The following FOXK1 variants were observed in gnomAD, a reference collection of about 807,000 sequenced individuals.
FOXK1 encodes forkhead box protein K1.
FOXK1 carries 19 observed loss-of-function variants against 51.9 expected under a neutral mutation model. That is an observed-to-expected ratio of 0.37 (90% CI 0.26 to 0.54). The LOEUF (loss-of-function observed/expected upper bound fraction) is 0.54. Ranked by LOEUF, FOXK1 falls within the 20% of genes least tolerant of loss-of-function variation. The pLI, the probability that FOXK1 is intolerant of heterozygous loss-of-function variation, is 0.87. For missense variants in FOXK1, 870 were observed against 1,032.7 expected (o/e 0.84, Z 2.16); for synonymous variants, 537 against 482.6 (o/e 1.11, Z -1.48).
At chr7:4,742,483 C>G (rs1780647915) in intron 2 of FOXK1, among the ~76,000 whole-genome samples, 1 of 152,194 alleles carries the variant, frequency 6.6e-6, no homozygotes, top group Admixed American at 6.5e-5. Context: ...GTGGCGCAAT[C>G]ATAGCTCGCT....
chr7:4,758,486 CT>C lies in FOXK1; in HGVS notation c.1245-564del, dbSNP rs2085167661. 6.6e-6 allele frequency: 1 copy of C among 152,492 alleles called. No homozygotes were observed. Among genetic ancestry groups the C allele is most frequent in the African/African-American group, 2.4e-5 (1 of 41,470 alleles). The allele number at this position is 152,492 out of a possible 1,614,324, so 9.4% of individuals were successfully genotyped here. ...CTCTCGTGCTTCCCATTTCAAAATT[CT>C]GTTTCCAACACGATTTGATGAAAGA... On this transcript the variant is annotated intron_variant, in intron 5 of 8. Transcript: ENST00000328914. This position sits in a 1 kb window ranked among gnomAD's most constrained non-coding sequence, Gnocchi z 4.4.
chr7:4,713,736 C>A (rs186393888), intron 1 of FOXK1, among the ~76,000 whole-genome samples: 56 of 152,102 alleles, frequency 3.7e-4, no homozygotes, highest in Admixed American at 3.1e-3. Flanking sequence ...GTGATCTGCC[C>A]GCCTTGGCCG....
In FOXK1 at chr7:4,747,648, A is replaced by G. The variant is rs1196757666; in HGVS notation, c.746+6625A>G. 1.3e-5 allele frequency among the ~76,000 whole-genome samples: 2 copies of G among 151,632 alleles called. No homozygotes were observed. Among genetic ancestry groups the G allele is most frequent in the African/African-American group, 2.4e-5 (1 of 41,224 alleles). The stretch of plus-strand genomic sequence containing the variant: ...CCTCCCGGGCTCAAGCGATCCTCCC[A>G]CTGCAGCCTCCTGAGTAGCTAGGAC... On this transcript the variant is annotated intron_variant, in intron 2 of 8. Transcript: ENST00000328914. This position sits in a 1 kb window ranked among gnomAD's most constrained non-coding sequence, Gnocchi z 9.2.
At chr7:4,739,752 G>A (rs1780607050) in intron 1 of FOXK1, among the ~76,000 whole-genome samples, 1 of 152,216 alleles carries the variant, frequency 6.6e-6, no homozygotes, top group African/African-American at 2.4e-5. Flanking sequence ...GGGTGGAATT[G>A]CTCCTTCCGT....
chr7:4,754,300 G>T (rs1353634755), intron 2 of FOXK1, among the ~76,000 whole-genome samples, 159 bp from the exon 3 acceptor site: 5 of 152,218 alleles, frequency 3.3e-5, no homozygotes, highest in Non-Finnish European at 7.3e-5. Context: ...TGTCCCCGCC[G>T]CTGCGTGACC....
chr7:4,743,610 G>C lies in FOXK1; in HGVS notation c.746+2587G>C, dbSNP rs547223202. On this transcript the variant is annotated intron_variant, in intron 2 of 8. Transcript: ENST00000328914. The surrounding 1 kb of genome is among the most constrained non-coding windows in gnomAD (Gnocchi z 5.3). ...GGAATTGCATCTGAAGAAAGCAGTT[G>C]AGCGCAGTATATGTACTTAAGTCTT... 1.3e-4 allele frequency among the ~76,000 whole-genome samples: 20 copies of C among 152,336 alleles called. No individual in the cohort carries two copies. The highest frequency in any genetic ancestry group is 4.3e-4 in the African/African-American group (18 of 41,584).
chr7:4,719,653 T>C (rs1032221742), intron 1 of FOXK1, among the ~76,000 whole-genome samples: 8 of 151,984 alleles, frequency 5.3e-5, no homozygotes, highest in African/African-American at 1.4e-4. Context: ...ATCTAATTTT[T>C]GTATTTTTAG....
At chr7:4,754,096 C>T (rs1389702342) in intron 2 of FOXK1, among the ~76,000 whole-genome samples, 2 of 152,198 alleles carry the variant, frequency 1.3e-5, no homozygotes, top group African/African-American at 2.4e-5. Flanking sequence ...GCCAGCAGCC[C>T]GCGGAGGCTA....
At chr7:4,700,123 G>C (rs999592612) in intron 1 of FOXK1, among the ~76,000 whole-genome samples, 9 of 152,206 alleles carry the variant, frequency 5.9e-5, no homozygotes, top group Non-Finnish European at 1.0e-4. Context: ...CCACTGGCTT[G>C]CACTGCAGCA....
chr7:4,723,978 T>C lies in FOXK1; in HGVS notation c.561-16860T>C, dbSNP rs148817470. ...GCACCTCTGTGCTCGGCCCATTCGA[T>C]TTTTAAAACCTTAAATGACCCTGCA... is the stretch of plus-strand genomic sequence containing the variant. On this transcript the variant is annotated intron_variant, in intron 1 of 8. Coordinates refer to ENST00000328914, the MANE Select transcript of FOXK1 (RefSeq NM_001037165.2). This position sits in a 1 kb window ranked among gnomAD's most constrained non-coding sequence, Gnocchi z 4.7. Among the ~76,000 whole-genome samples, 804 of 149,702 alleles carry C rather than the reference T, an allele frequency of 5.4e-3. 8 individuals carry two copies. Among genetic ancestry groups the C allele is most frequent in the Admixed American group, 0.011 (166 of 14,976 alleles).
At chr7:4,724,852 A>T (rs1406511554) in intron 1 of FOXK1, among the ~76,000 whole-genome samples, 1 of 151,572 alleles carries the variant, frequency 6.6e-6, no homozygotes, top group Non-Finnish European at 1.5e-5. Flanking sequence ...CTCTTCTGAG[A>T]CTCCCACGAG....
intron 1 of FOXK1, among the ~76,000 whole-genome samples, chr7:4,720,956 T>A (rs543246370): frequency 6.6e-6 from 1 of 152,154 alleles, no homozygotes; most frequent in Non-Finnish European, 1.5e-5. Flanking sequence ...TTAGTCAGGC[T>A]GGTCTCGAAC....
rs374700671 is a variant in FOXK1 at position 4,759,568 on chromosome 7, G to A, written c.1669G>A (p.Val557Met). ...CTCCCATGATGCGGCGGGCGCAGCC[G>A]TGCTGGACCTGGGCAGCGAGGCCAG... Reference protein sequence around the residue: ...GGSHDAAGAAVLDLGSEARGL... With the variant: ...GGSHDAAGAAMLDLGSEARGL... Residue 557 changes from valine (V) to methionine (M), a missense_variant, in exon 7 of 9, where the codon GTG becomes ATG. Physicochemically the swap from Val to Met is conservative, Grantham distance 21 (BLOSUM62 1). Around this residue, in one of 3 missense-constraint regions of FOXK1, gnomAD observed 457 missense variants for 510.8 expected, o/e 0.89. Coordinates refer to ENST00000328914, the MANE Select transcript of FOXK1 (RefSeq NM_001037165.2). 4.9e-4 allele frequency: 751 copies of A among 1,538,332 alleles called. 2 individuals are homozygous for A. Among genetic ancestry groups the A allele is most frequent in the Non-Finnish European group, 6.3e-4 (722 of 1,147,778 alleles).
rs371940486 is a variant in FOXK1 at position 4,682,885 on chromosome 7, C to A, written c.560+17C>A. On this transcript the variant is annotated intron_variant, in intron 1 of 8. Coordinates refer to ENST00000328914, the MANE Select transcript of FOXK1 (RefSeq NM_001037165.2). This position sits in a 1 kb window ranked among gnomAD's most constrained non-coding sequence, Gnocchi z 7.6. Reference sequence around the variant, plus strand: ...GCCCAAGCAGTGAGTGGCCCCGCGACCCCCGCCGCCCGCACCCGGGGCTCG... The same window carrying A: ...GCCCAAGCAGTGAGTGGCCCCGCGAACCCCGCCGCCCGCACCCGGGGCTCG... 6.0e-4 allele frequency: 858 copies of A among 1,440,558 alleles called. 2 individuals carry two copies. The African/African-American group carries it at 0.012, about 19-fold the overall frequency. The allele number at this position is 1,440,558 out of a possible 1,614,324, so 89.2% of individuals were successfully genotyped here. A position where few individuals can be genotyped will look rare whatever the true frequency, so the allele number is the denominator to read the frequency against.
At chr7:4,741,171 C>A in intron 2 of FOXK1, 148 bp downstream of exon 2, 1 of 553,746 alleles carries the variant, frequency 1.8e-6, no homozygotes, top group Non-Finnish European at 2.9e-6. Context: ...CCATCCGGGA[C>A]CTGGCTGAAA....
chr7:4,741,051 G>GC, intron 2 of FOXK1, 28 bp downstream of exon 2: 1 of 1,453,552 alleles, frequency 6.9e-7, no homozygotes, highest in Non-Finnish European at 9.1e-7. Context: ...CTGCCCTTGG[G>GC]CCCCCAGGAG....
At chr7:4,725,681 C>G (rs934825341) in intron 1 of FOXK1, among the ~76,000 whole-genome samples, 1 of 152,254 alleles carries the variant, frequency 6.6e-6, no homozygotes, top group Admixed American at 6.5e-5. Context: ...CCAAGGCTGC[C>G]GACTGGCCCA....
At position 4,701,176 on chromosome 7, in the gene FOXK1, G is replaced by A. The variant is rs546234217; in HGVS notation, c.560+18308G>A. On this transcript the variant is annotated intron_variant, in intron 1 of 8. Coordinates refer to ENST00000328914, the MANE Select transcript of FOXK1 (RefSeq NM_001037165.2). ...CTCCCTGCGGCTGTGAAGGCTGCAC[G>A]ATCAGAGCTAAACAGCAGGGGTTTG... 8.4e-4 allele frequency among the ~76,000 whole-genome samples: 128 copies of A among 152,338 alleles called. 1 individual carries two copies. Among genetic ancestry groups the A allele is most frequent in the African/African-American group, 3.0e-3 (124 of 41,580 alleles).
At position 4,749,255 on chromosome 7, in the gene FOXK1, A is replaced by G. The variant is rs7801647; in HGVS notation, c.747-5204A>G. Among the ~76,000 whole-genome samples the G allele has an allele frequency of 0.48, 72,370 of 151,974 alleles. 19,227 individuals carry two copies. Among genetic ancestry groups the G allele is most frequent in the African/African-American group, 0.72 (29,892 of 41,460 alleles). ...TCCCTAGGGACGGGAACCATGTTTC[A>G]TCTCCTCCCAAGCTCCCGTAGGCTT... On this transcript the variant is annotated intron_variant, in intron 2 of 8. Coordinates refer to ENST00000328914, the MANE Select transcript of FOXK1 (RefSeq NM_001037165.2). This position sits in a 1 kb window ranked among gnomAD's most constrained non-coding sequence, Gnocchi z 6.0.
Sources: gnomAD v4.1 joint callset for allele counts (sites outside exome capture counted in the v4.1 genomes callset) on GRCh38, gnomAD v4.1.1 for gene constraint, gnomAD v4.1.1 regional missense constraint, Gnocchi (gnomAD v3.1) non-coding constraint, MANE v1.5 for transcripts, NCBI Gene and HGNC (gene_info 2026-07-23, HGNC 2026-07-21) for gene names.